The following MON1B variants were observed in gnomAD, a reference collection of about 807,000 sequenced individuals.
MON1B encodes MON1 vesicular trafficking associated B, also known as vacuolar fusion protein MON1 homolog B.
In MON1B, 26 loss-of-function variants were observed where a neutral mutation model predicts 45.1. The ratio of observed to expected loss-of-function variants is 0.58; its 90% confidence interval spans 0.42 to 0.80. MON1B has a LOEUF of 0.80. MON1B is among the 30% of genes least tolerant of loss of function. The pLI is 0.00. For missense variants in MON1B, 737 were observed against 754.5 expected, an observed-to-expected ratio of 0.98 and a Z score of 0.27; for synonymous variants, 395 against 320.2, an observed-to-expected ratio of 1.23 and a Z score of -2.49.
chr16:77,199,349 C>G lies in MON1B; in HGVS notation c.*1041C>G. On this transcript the variant is annotated 3_prime_UTR_variant, in exon 6 of 6. Coordinates refer to ENST00000248248, the MANE Select transcript of MON1B (RefSeq NM_014940.4). ...ACTCCTGATTTAACCGCTGGCGTAACCGCGGGTTGCACGCATGCGTGCTGA... is the reference window on the plus strand; with the variant it reads ...ACTCCTGATTTAACCGCTGGCGTAAGCGCGGGTTGCACGCATGCGTGCTGA... The G allele has an allele frequency of 8.4e-7, 1 of 1,185,484 alleles. No individual in the cohort carries two copies. The highest frequency in any genetic ancestry group is 1.2e-6 in the Non-Finnish European group (1 of 830,012). The allele number at this position is 1,185,484 out of a possible 1,614,324, so 73.4% of individuals were successfully genotyped here.
Position 77,199,753 on chromosome 16 carries a change from A to G in MON1B, c.*1445A>G, listed in dbSNP as rs1414994345. ...CTGTAGTGTATACGTTGTTGAAAGTAAACAACATGTAGTTCAGTACGAAAG... is the reference window on the plus strand; with the variant it reads ...CTGTAGTGTATACGTTGTTGAAAGTGAACAACATGTAGTTCAGTACGAAAG... On this transcript the variant is annotated 3_prime_UTR_variant, in exon 6 of 6. Coordinates refer to ENST00000248248, the MANE Select transcript of MON1B (RefSeq NM_014940.4). 9.1e-6 allele frequency: 4 copies of G among 441,134 alleles called. No individual in the cohort carries two copies. Among genetic ancestry groups the G allele is most frequent in the Non-Finnish European group, 1.6e-5 (4 of 248,934 alleles). The allele number at this position is 441,134 out of a possible 1,614,324, so 27.3% of individuals were successfully genotyped here.
intron 5 of MON1B, among the ~76,000 whole-genome samples, chr16:77,196,619 T>C (rs1471397653): frequency 1.3e-5 from 2 of 152,032 alleles, no homozygotes; most frequent in African/African-American, 4.8e-5. Flanking sequence ...CTACTAAAAA[T>C]ACAAAAATTA....
Position 77,198,228 on chromosome 16 carries a change from C to T in MON1B, c.1564C>T (p.Arg522Cys), listed in dbSNP as rs1162204431. ...VKKEEDRLFI[R>C]YPPKYSTPPA... is the part of the protein sequence containing the mutation. ...GAAAGAGGAGGACCGGCTCTTCATT[C>T]GTTACCCACCCAAGTACTCCACACC... The change falls in exon 6 of 6, where the codon CGT (arginine) becomes TGT (cysteine). Residue 522 changes from arginine (R) to cysteine (C), a missense_variant. By Grantham distance (180) the Arg-to-Cys change is radical. Transcript: ENST00000248248. The T allele has an allele frequency of 2.5e-6, 4 of 1,614,184 alleles. No homozygotes were observed. The highest frequency in any genetic ancestry group is 3.4e-6 in the Non-Finnish European group (4 of 1,180,034).
At chr16:77,196,586 G>C (rs1227501520) in intron 5 of MON1B, among the ~76,000 whole-genome samples, 1 of 152,008 alleles carries the variant, frequency 6.6e-6, no homozygotes, top group Non-Finnish European at 1.5e-5. Context: ...GACCAGCCTG[G>C]CAAACATGGC....
rs1356334179 is a variant in MON1B at position 77,199,535 on chromosome 16, A to G, written c.*1227A>G. The stretch of plus-strand genomic sequence containing the variant: ...AAGGTAGTGAGGGCAAGTGGGCTGC[A>G]CTCCTTTCTCTCCAACCAGGGCAGA... On this transcript the variant is annotated 3_prime_UTR_variant, in exon 6 of 6. Transcript: ENST00000248248. 1.3e-6 allele frequency: 2 copies of G among 1,535,432 alleles called. No individual in the cohort carries two copies. The highest frequency in any genetic ancestry group is 1.4e-5 in the African/African-American group (1 of 72,746).
rs935920292 is a variant in MON1B at position 77,193,875 on chromosome 16, G to C, written c.475+98G>C. On this transcript the variant is annotated intron_variant, in intron 3 of 5. Coordinates refer to ENST00000248248, the MANE Select transcript of MON1B (RefSeq NM_014940.4). The surrounding 1 kb of genome is among the most constrained non-coding windows in gnomAD (Gnocchi z 5.0). ...CCTCAGGCACTATCCAGCCAGCCAG[G>C]GTTGGGTCCATGTGTGTGGATGGTC... 6.1e-6 allele frequency: 8 copies of C among 1,318,472 alleles called. No individual in the cohort carries two copies. In the African/African-American group the frequency reaches 1.0e-4, roughly 17 times the overall value. 81.7% of individuals were successfully genotyped at this position (1,318,472 alleles called of 1,614,324 possible). A position where few individuals can be genotyped will look rare whatever the true frequency, so the allele number is the denominator to read the frequency against.
rs963230357 is a variant in MON1B at position 77,199,201 on chromosome 16, A to G, written c.*893A>G. ...CTAGGGTTTTGTGTGTGTGCACACT[A>G]CCCTCACTCCCCAACTGGCCATTAC... On this transcript the variant is annotated 3_prime_UTR_variant, in exon 6 of 6. Transcript: ENST00000248248. 4.0e-6 allele frequency: 2 copies of G among 504,232 alleles called. No homozygotes were observed. The highest frequency in any genetic ancestry group is 3.9e-5 in the African/African-American group (2 of 50,704). The allele number at this position is 504,232 out of a possible 1,614,324, so 31.2% of individuals were successfully genotyped here. A position where few individuals can be genotyped will look rare whatever the true frequency, so the allele number is the denominator to read the frequency against.
In MON1B at chr16:77,200,287, T is replaced by TACATAC. The variant is rs1164094469; in HGVS notation, c.*1980_*1981insCATACA. The TACATAC allele has an allele frequency of 7.9e-6, 1 of 126,858 alleles. No individual in the cohort carries two copies. The highest frequency in any genetic ancestry group is 1.6e-5 in the Non-Finnish European group (1 of 60,870). The allele number at this position is 126,858 out of a possible 1,614,324, so 7.9% of individuals were successfully genotyped here. ...ATATATATATGTGTATATATATATA[T>TACATAC]ATATACACACACTAATCAGCCGGGC... On this transcript the variant is annotated 3_prime_UTR_variant, in exon 6 of 6. Coordinates refer to ENST00000248248, the MANE Select transcript of MON1B (RefSeq NM_014940.4).
Position 77,199,243 on chromosome 16 carries a change from T to A in MON1B, c.*935T>A. ...GGCCATTACCCTAGTTCTGCCCTTG[T>A]TTGTGGAGTTACAGCCTCAAGGTTG... On this transcript the variant is annotated 3_prime_UTR_variant, in exon 6 of 6. Transcript: ENST00000248248. The A allele has an allele frequency of 5.3e-6, 3 of 570,678 alleles. No homozygotes were observed. In the East Asian group the frequency reaches 8.9e-5, roughly 17 times the overall value. 35.4% of individuals were successfully genotyped at this position (570,678 alleles called of 1,614,324 possible).
Position 77,198,128 on chromosome 16 carries a change from C to G in MON1B, c.1464C>G (p.Leu488=), listed in dbSNP as rs2054685720. ...LLAWVTSKFE[L]YTCLSPLVTK... Reference sequence around the variant, plus strand: ...CCCAGGTGACCTCCAAATTCGAGCTCTATACCTGCCTCAGCCCTCTGGTGA... The same window carrying G: ...CCCAGGTGACCTCCAAATTCGAGCTGTATACCTGCCTCAGCCCTCTGGTGA... Residue 488 remains leucine (L), a synonymous_variant, in exon 6 of 6, where the codon CTC becomes CTG. Coordinates refer to ENST00000248248, the MANE Select transcript of MON1B (RefSeq NM_014940.4). 6.2e-7 allele frequency: 1 copy of G among 1,614,024 alleles called. No homozygotes were observed. The highest frequency in any genetic ancestry group is 2.2e-5 in the East Asian group (1 of 44,862).
Position 77,199,243 on chromosome 16 carries a change from T to G in MON1B, c.*935T>G. 1 of 570,678 alleles carries G rather than the reference T, an allele frequency of 1.8e-6. No homozygotes were observed. Among genetic ancestry groups the G allele is most frequent in the Non-Finnish European group, 3.2e-6 (1 of 316,606 alleles). The allele number at this position is 570,678 out of a possible 1,614,324, so 35.4% of individuals were successfully genotyped here. On this transcript the variant is annotated 3_prime_UTR_variant, in exon 6 of 6. Transcript: ENST00000248248. ...GGCCATTACCCTAGTTCTGCCCTTGTTTGTGGAGTTACAGCCTCAAGGTTG... is the reference window on the plus strand; with the variant it reads ...GGCCATTACCCTAGTTCTGCCCTTGGTTGTGGAGTTACAGCCTCAAGGTTG...
chr16:77,195,890 T>A (rs75533076), intron 5 of MON1B, among the ~76,000 whole-genome samples: 3 of 152,152 alleles, frequency 2.0e-5, no homozygotes, highest in Middle Eastern at 3.2e-3. Flanking sequence ...GACATTAGCC[T>A]CACCCTCCTG....
chr16:77,194,143 C>A lies in MON1B; in HGVS notation c.476-192C>A. 1 of 673,290 alleles carries A rather than the reference C, an allele frequency of 1.5e-6. No homozygotes were observed. 41.7% of individuals were successfully genotyped at this position (673,290 alleles called of 1,614,324 possible). On this transcript the variant is annotated intron_variant, in intron 3 of 5. Transcript: ENST00000248248. The surrounding 1 kb of genome is among the most constrained non-coding windows in gnomAD (Gnocchi z 8.1). ...TATCTAACCTACTTGTTCCTTTGTC[C>A]ATCCCATCATGTCTCTGCAAATGTC...
Position 77,194,216 on chromosome 16 carries a change from G to C in MON1B, c.476-119G>C. ...ACCCCAGTCCAGGTGCCCACAGAGT[G>C]AGCATGTGGACTCGGGCCTGGTGTG... On this transcript the variant is annotated intron_variant, in intron 3 of 5. Transcript: ENST00000248248. The surrounding 1 kb of genome is among the most constrained non-coding windows in gnomAD (Gnocchi z 8.1). 1.1e-6 allele frequency: 1 copy of C among 907,976 alleles called. No homozygotes were observed. The highest frequency in any genetic ancestry group is 1.8e-6 in the Non-Finnish European group (1 of 554,308). The allele number at this position is 907,976 out of a possible 1,614,324, so 56.2% of individuals were successfully genotyped here.
rs934299267 is a variant in MON1B, at chr16:77,193,109, A to G, written c.149-342A>G. 1.3e-5 allele frequency among the ~76,000 whole-genome samples: 2 copies of G among 152,116 alleles called. No individual in the cohort carries two copies. The highest frequency in any genetic ancestry group is 4.8e-5 in the African/African-American group (2 of 41,390). The stretch of plus-strand genomic sequence containing the variant: ...AATGGGGGATCATTGAAGATGAATA[A>G]TCGTCATCCAGAGTCAATGGGGTGC... On this transcript the variant is annotated intron_variant, in intron 2 of 5. Transcript: ENST00000248248. This position sits in a 1 kb window ranked among gnomAD's most constrained non-coding sequence, Gnocchi z 5.0.
At position 77,198,385 on chromosome 16, in the gene MON1B, G is replaced by A. The variant is rs1597378601; in HGVS notation, c.*77G>A. On this transcript the variant is annotated 3_prime_UTR_variant, in exon 6 of 6. Coordinates refer to ENST00000248248, the MANE Select transcript of MON1B (RefSeq NM_014940.4). Reference sequence around the variant, plus strand: ...TACCTTCTGTCTACCCTGGAAATGTGTGTGGGGGTGTGTCTGTGGCCAGTC... The same window carrying A: ...TACCTTCTGTCTACCCTGGAAATGTATGTGGGGGTGTGTCTGTGGCCAGTC... 1 of 1,455,868 alleles carries A rather than the reference G, an allele frequency of 6.9e-7. No homozygotes were observed. The highest frequency in any genetic ancestry group is 1.7e-5 in the Admixed American group (1 of 58,324). 90.2% of individuals were successfully genotyped at this position (1,455,868 alleles called of 1,614,324 possible).
Position 77,193,526 on chromosome 16 carries a change from T to C in MON1B, c.224T>C (p.Leu75Pro), listed in dbSNP as rs781769582. 6.2e-7 allele frequency: 1 copy of C among 1,613,254 alleles called. No homozygotes were observed. ...GAGGCCCTGTCAAGCACCTCTCGGC[T>C]CTGGAGTCCTGCAGCCCCTGAGAAT... The part of the protein sequence containing the change: ...QSEALSSTSR[L>P]WSPAAPENSP... The change falls in exon 3 of 6, where the codon CTC becomes CCC. Residue 75 changes from leucine to proline, a missense_variant. By Grantham distance (98) the Leu-to-Pro change is moderately conservative (BLOSUM62 -3). Coordinates refer to ENST00000248248, the MANE Select transcript of MON1B (RefSeq NM_014940.4). The surrounding 1 kb of genome is among the most constrained non-coding windows in gnomAD (Gnocchi z 5.0).
Position 77,191,265 on chromosome 16 carries a change from G to A in MON1B, c.-11+7G>A. Reference sequence around the variant, plus strand: ...AGATTCGGAGTTAAAACAGGTGTTTGTATATCTCTATTTCCTGAGGCCCAG... The same window carrying A: ...AGATTCGGAGTTAAAACAGGTGTTTATATATCTCTATTTCCTGAGGCCCAG... On this transcript the variant is annotated splice_region_variant and intron_variant, in intron 1 of 5. Coordinates refer to ENST00000248248, the MANE Select transcript of MON1B (RefSeq NM_014940.4). 6.5e-7 allele frequency: 1 copy of A among 1,540,460 alleles called. No individual in the cohort carries two copies. The highest frequency in any genetic ancestry group is 8.7e-7 in the Non-Finnish European group (1 of 1,146,734).
At position 77,199,345 on chromosome 16, in the gene MON1B, G is replaced by A. The variant is rs2054702707; in HGVS notation, c.*1037G>A. ...GCTGACTCCTGATTTAACCGCTGGC[G>A]TAACCGCGGGTTGCACGCATGCGTG... On this transcript the variant is annotated 3_prime_UTR_variant, in exon 6 of 6. Transcript: ENST00000248248. The A allele has an allele frequency of 9.7e-6, 11 of 1,135,626 alleles. No homozygotes were observed. Among genetic ancestry groups the A allele is most frequent in the Non-Finnish European group, 1.4e-5 (11 of 788,958 alleles). 70.3% of individuals were successfully genotyped at this position (1,135,626 alleles called of 1,614,324 possible).
Sources: gnomAD v4.1 joint callset for allele counts (sites outside exome capture counted in the v4.1 genomes callset) on GRCh38, gnomAD v4.1.1 for gene constraint, Gnocchi (gnomAD v3.1) non-coding constraint, MANE v1.5 for transcripts, NCBI Gene and HGNC (gene_info 2026-07-23, HGNC 2026-07-21) for gene names.